The following KCNH7 variants were observed in gnomAD, a reference collection of about 807,000 sequenced individuals.
KCNH7 encodes voltage-gated inwardly rectifying potassium channel KCNH7.
In KCNH7, 49 loss-of-function variants were observed where a neutral mutation model predicts 120.8. That is an observed-to-expected ratio of 0.41 (90% confidence interval 0.32 to 0.51). The LOEUF is 0.51. Ranked by LOEUF, KCNH7 falls within the 20% of genes least tolerant of loss-of-function variation. KCNH7 has a pLI of 0.38. For missense variants in KCNH7, 1,097 were observed against 1,446.6 expected (o/e 0.76, Z 3.92); for synonymous variants, 547 against 516.1 (o/e 1.06, Z -0.81).
At chr2:162,838,022 G>T (rs908685007) in intron 1 of KCNH7, among the ~76,000 whole-genome samples, 2 of 152,158 alleles carry the variant, frequency 1.3e-5, no homozygotes, top group Non-Finnish European at 2.9e-5. Context: ...AATATAGTTT[G>T]CATAGTCATT....
chr2:162,640,491 C>G (rs1027496504), intron 2 of KCNH7, among the ~76,000 whole-genome samples: 2 of 149,422 alleles, frequency 1.3e-5, no homozygotes, highest in Non-Finnish European at 2.9e-5. Flanking sequence ...ATTGGACATC[C>G]CATATACATT....
intron 2 of KCNH7, among the ~76,000 whole-genome samples, chr2:162,758,383 A>C (rs1574350078): frequency 6.6e-6 from 1 of 152,272 alleles, no homozygotes; most frequent in East Asian, 1.9e-4. Context: ...GCAATCCAAA[A>C]ATGTTGAAGA....
intron 2 of KCNH7, among the ~76,000 whole-genome samples, chr2:162,649,405 G>A (rs1295070676): frequency 6.6e-6 from 1 of 152,168 alleles, no homozygotes; most frequent in Non-Finnish European, 1.5e-5. Flanking sequence ...TTTTAGATCT[G>A]TAATAACAAC....
intron 2 of KCNH7, among the ~76,000 whole-genome samples, chr2:162,739,906 G>A (rs1385285310): frequency 6.9e-6 from 1 of 145,566 alleles, no homozygotes; most frequent in Admixed American, 6.7e-5. Context: ...TATTGATTGA[G>A]TCCAAGTTAT....
intron 9 of KCNH7, among the ~76,000 whole-genome samples, chr2:162,408,520 A>C (rs1203142336): frequency 6.6e-6 from 1 of 152,028 alleles, no homozygotes; most frequent in Non-Finnish European, 1.5e-5. Context: ...CGAGTCATAA[A>C]ACAGCTGTGT....
At position 162,434,326 on chromosome 2, in the gene KCNH7, A is replaced by C. The variant is rs77224312; in HGVS notation, c.1954+872T>G. On this transcript the variant is annotated intron_variant, in intron 8 of 15. Transcript: ENST00000332142. Reference sequence around the variant, plus strand: ...GGGAATCATTCATACCCCAAACTTCAGCATCACACAATATACCCATGTAAC... The same window carrying C: ...GGGAATCATTCATACCCCAAACTTCCGCATCACACAATATACCCATGTAAC... Among the ~76,000 whole-genome samples, 569 of 152,198 alleles carry C rather than the reference A, an allele frequency of 3.7e-3. 5 individuals carry two copies. The highest frequency in any genetic ancestry group is 0.013 in the African/African-American group (549 of 41,560).
At chr2:162,404,568 T>C (rs1444129754) in intron 9 of KCNH7, among the ~76,000 whole-genome samples, 1 of 151,790 alleles carries the variant, frequency 6.6e-6, no homozygotes, top group African/African-American at 2.4e-5. Flanking sequence ...TGTTTAAAAG[T>C]GTGTAACACC....
chr2:162,811,329 A>C (rs1262516966), intron 2 of KCNH7, among the ~76,000 whole-genome samples: 3 of 152,184 alleles, frequency 2.0e-5, no homozygotes, highest in Admixed American at 6.6e-5. Flanking sequence ...TTATAAACAA[A>C]TAGAAAGCTA....
intron 2 of KCNH7, among the ~76,000 whole-genome samples, chr2:162,611,615 G>T (rs1019393638): frequency 2.0e-4 from 30 of 152,190 alleles, no homozygotes; most frequent in Admixed American, 9.8e-4. Context: ...CTAAAACTGA[G>T]AAGCCCATGA....
chr2:162,378,638 G>A (rs1020400635), intron 14 of KCNH7, among the ~76,000 whole-genome samples: 1 of 152,194 alleles, frequency 6.6e-6, no homozygotes, highest in Non-Finnish European at 1.5e-5. Flanking sequence ...AAACAAGAGT[G>A]TTGCTTATAC....
At chr2:162,802,650 A>G (rs954088943) in intron 2 of KCNH7, among the ~76,000 whole-genome samples, 1 of 151,836 alleles carries the variant, frequency 6.6e-6, no homozygotes, top group African/African-American at 2.4e-5. Context: ...TTATGACAAT[A>G]TATTTTATCT....
At chr2:162,580,726 G>A (rs1471597731) in intron 2 of KCNH7, among the ~76,000 whole-genome samples, 1 of 152,024 alleles carries the variant, frequency 6.6e-6, no homozygotes, top group Admixed American at 6.6e-5. Flanking sequence ...CACCCTAACA[G>A]ATGTCACTGG....
intron 12 of KCNH7, among the ~76,000 whole-genome samples, chr2:162,387,639 GA>G (rs1212811110): frequency 3.3e-5 from 5 of 151,624 alleles, no homozygotes; most frequent in African/African-American, 1.2e-4. Context: ...TTCAGAAGAT[GA>G]AAAACTTTTT....
chr2:162,606,861 C>T (rs1682790187), intron 2 of KCNH7, among the ~76,000 whole-genome samples: 1 of 151,886 alleles, frequency 6.6e-6, no homozygotes, highest in Admixed American at 6.6e-5. Flanking sequence ...ACAAAGATAG[C>T]CATCAAAATG....
Position 162,373,980 on chromosome 2 carries a change from A to G in KCNH7, c.3132-318T>C, listed in dbSNP as rs115440194. On this transcript the variant is annotated intron_variant, in intron 14 of 15. Transcript: ENST00000332142. ...CACTGACAATTTATTTTTAATCAGTAATTGTCTTTGCTTTTTAATTAGGTT... is the reference window on the plus strand; with the variant it reads ...CACTGACAATTTATTTTTAATCAGTGATTGTCTTTGCTTTTTAATTAGGTT... Among the ~76,000 whole-genome samples the G allele has an allele frequency of 3.3e-3, 506 of 152,292 alleles. 8 individuals are homozygous for G. The highest frequency in any genetic ancestry group is 0.011 in the African/African-American group (477 of 41,562).
intron 8 of KCNH7, among the ~76,000 whole-genome samples, chr2:162,433,954 A>C (rs1688154523): frequency 6.6e-6 from 1 of 152,082 alleles, no homozygotes; most frequent in South Asian, 2.1e-4. Flanking sequence ...CAGTATTCAC[A>C]CTGAAGAAGA....
At chr2:162,647,900 G>C (rs1018512793) in intron 2 of KCNH7, among the ~76,000 whole-genome samples, 2 of 152,146 alleles carry the variant, frequency 1.3e-5, no homozygotes. Context: ...TCCCTAGTTT[G>C]CCTGTGGTGG....
At chr2:162,542,880 G>A (rs925515040) in intron 2 of KCNH7, among the ~76,000 whole-genome samples, 2 of 152,086 alleles carry the variant, frequency 1.3e-5, no homozygotes, top group African/African-American at 4.8e-5. Context: ...GTGTAAAATT[G>A]TTCCTATTTC....
chr2:162,375,035 T>A (rs1037575431), intron 14 of KCNH7, among the ~76,000 whole-genome samples: 5 of 152,196 alleles, frequency 3.3e-5, no homozygotes, highest in Non-Finnish European at 7.3e-5. Flanking sequence ...TATTTTTCTT[T>A]CATTTCACTC....
Sources: gnomAD v4.1 joint callset for allele counts (sites outside exome capture counted in the v4.1 genomes callset) on GRCh38, gnomAD v4.1.1 for gene constraint, MANE v1.5 for transcripts, NCBI Gene and HGNC (gene_info 2026-07-23, HGNC 2026-07-21) for gene names.